The following C1orf56 variants were observed in gnomAD, a reference collection of about 807,000 sequenced individuals.
C1orf56 encodes chromosome 1 open reading frame 56.
A neutral mutation model predicts 20.7 loss-of-function variants in C1orf56; 14 were observed. That is an observed-to-expected ratio of 0.68 (90% CI 0.45 to 1.06). C1orf56 has a LOEUF of 1.06. Among genes scored for constraint, C1orf56 ranks in the 50% least tolerant of loss-of-function variants. The pLI, the probability that C1orf56 is intolerant of heterozygous loss-of-function variation, is 0.00. For synonymous variants in C1orf56, 187 were observed against 194.7 expected, an observed-to-expected ratio of 0.96 and a Z score of 0.33; for missense variants, 424 against 451.4, an observed-to-expected ratio of 0.94 and a Z score of 0.55.
Position 151,048,676 on chromosome 1 carries a change from CAG to C in C1orf56, c.832_833del (p.Ser278HisfsTer47), listed in dbSNP as rs1676113376. On this transcript the variant is annotated frameshift_variant, in exon 1 of 2. Transcript: ENST00000368926. LOFTEE classifies it high-confidence loss of function. This position sits in a 1 kb window ranked among gnomAD's most constrained non-coding sequence, Gnocchi z 4.8. ...CTGTACTGACACCAACTGTGCCTCTCAGAGCACCACCAGTACCAGGACCACCA... is the reference window on the plus strand; with the variant it reads ...CTGTACTGACACCAACTGTGCCTCTCAGCACCACCAGTACCAGGACCACCA... ...SLCTDTNCAS[Q>X]STTSTRTTTT... 6.2e-7 allele frequency: 1 copy of C among 1,612,766 alleles called. No homozygotes were observed. Among genetic ancestry groups the C allele is most frequent in the African/African-American group, 1.3e-5 (1 of 74,930 alleles).
In C1orf56 at chr1:151,048,223, A is replaced by C; in HGVS notation, c.376A>C (p.Ser126Arg). The C allele has an allele frequency of 6.2e-7, 1 of 1,614,236 alleles. No homozygotes were observed. Among genetic ancestry groups the C allele is most frequent in the East Asian group, 2.2e-5 (1 of 44,884 alleles). Residue 126 changes from serine to arginine, a missense_variant, in exon 1 of 2, where the codon AGT (serine) becomes CGT (arginine). Transcript: ENST00000368926. This position sits in a 1 kb window ranked among gnomAD's most constrained non-coding sequence, Gnocchi z 4.8. ...GGATAGCACCAGCAGAGAGCTTCCC[A>C]GTGCGACTCCCAATACAGCGGGGAG... The part of the protein sequence containing the change: ...GKDSTSRELP[S>R]ATPNTAGSSS...
At chr1:151,049,843 T>C (rs1676141304) in intron 1 of C1orf56, 2 of 152,500 alleles carry the variant, frequency 1.3e-5, no homozygotes, top group Non-Finnish European at 2.9e-5. Flanking sequence ...TAAAGTCTTT[T>C]TGATGCACAG....
chr1:151,047,760 G>A lies in C1orf56; in HGVS notation c.-88G>A. 1 of 1,425,700 alleles carries A rather than the reference G, an allele frequency of 7.0e-7. No homozygotes were observed. The allele number at this position is 1,425,700 out of a possible 1,614,324, so 88.3% of individuals were successfully genotyped here. The stretch of plus-strand genomic sequence containing the variant: ...CCGCGGGCCTCGGTTCAAACGACCC[G>A]GTGGGTCTACAGCGGAAGGGAGGGA... On this transcript the variant is annotated 5_prime_UTR_variant, in exon 1 of 2. Transcript: ENST00000368926.
chr1:151,047,950 CG>C lies in C1orf56; in HGVS notation c.106del (p.Val36SerfsTer9). ...GLTQTPTEMQ[R>X]VSLRFGGPMT... ...GACCCAGACTCCGACCGAAATGCAG[CG>C]GGTCAGTTTACGCTTTGGGGGCCCC... On this transcript the variant is annotated frameshift_variant, in exon 1 of 2. Transcript: ENST00000368926. LOFTEE classifies it high-confidence loss of function. The C allele has an allele frequency of 6.2e-7, 1 of 1,613,502 alleles. No individual in the cohort carries two copies. Among genetic ancestry groups the C allele is most frequent in the Non-Finnish European group, 8.5e-7 (1 of 1,179,936 alleles).
At position 151,047,802 on chromosome 1, in the gene C1orf56, G is replaced by C. The variant is rs1006566232; in HGVS notation, c.-46G>C. 8 of 1,483,104 alleles carry C rather than the reference G, an allele frequency of 5.4e-6. No homozygotes were observed. The African/African-American group carries it at 1.1e-4, about 21-fold the overall frequency. 91.9% of individuals were successfully genotyped at this position (1,483,104 alleles called of 1,614,324 possible). On this transcript the variant is annotated 5_prime_UTR_variant, in exon 1 of 2. Coordinates refer to ENST00000368926, the MANE Select transcript of C1orf56 (RefSeq NM_017860.5). ...AGGGAGGGAGCGAAGGTAGGAGGCA[G>C]GGCTTGCCTCACTGGCCACCCTCCC...
rs1676092606 is a variant in C1orf56 at position 151,047,983 on chromosome 1, C to T, written c.136C>T (p.Arg46Cys). ...VSLRFGGPMTRSYRSTARTGL... is the reference protein window; with the variant it reads ...VSLRFGGPMTCSYRSTARTGL... ...TTTACGCTTTGGGGGCCCCATGACC[C>T]GCAGCTACCGGAGCACCGCCCGGAC... The change falls in exon 1 of 2, where the codon CGC (arginine) becomes TGC (cysteine). Residue 46 changes from arginine (R) to cysteine (C), a missense_variant. Transcript: ENST00000368926. 2.5e-6 allele frequency: 4 copies of T among 1,613,944 alleles called. No individual in the cohort carries two copies. Among genetic ancestry groups the T allele is most frequent in the Non-Finnish European group, 3.4e-6 (4 of 1,179,996 alleles).
intron 1 of C1orf56, among the ~76,000 whole-genome samples, chr1:151,049,332 G>A (rs889400231): frequency 1.3e-5 from 2 of 150,280 alleles, no homozygotes; most frequent in Non-Finnish European, 3.0e-5. Context: ...GGCCAGGCTG[G>A]TCTAGAACTC....
rs1047308195 is a variant in C1orf56, at chr1:151,051,397, A to G, written c.*939A>G. On this transcript the variant is annotated 3_prime_UTR_variant, in exon 2 of 2. Transcript: ENST00000368926. Reference sequence around the variant, plus strand: ...GCAGAAAATACATGGAAATTTGAAAAAAAAAAAAAAAAAAAAAAAAAAAGA... The same window carrying G: ...GCAGAAAATACATGGAAATTTGAAAGAAAAAAAAAAAAAAAAAAAAAAAGA... 7.2e-6 allele frequency: 1 copy of G among 138,988 alleles called. No homozygotes were observed. Among genetic ancestry groups the G allele is most frequent in the African/African-American group, 2.6e-5 (1 of 37,954 alleles). The allele number at this position is 138,988 out of a possible 1,614,324, so 8.6% of individuals were successfully genotyped here.
rs1368767899 is a variant in C1orf56 at position 151,048,153 on chromosome 1, G to A, written c.306G>A (p.Glu102=). The change falls in exon 1 of 2, where the codon GAG becomes GAA. Residue 102 remains glutamate (E), a synonymous_variant. Transcript: ENST00000368926. This position sits in a 1 kb window ranked among gnomAD's most constrained non-coding sequence, Gnocchi z 4.8. ...TTAGCCGGTCGTCCGCCATTAACGAGGAGGATGGGTCTTCAGAAGAGGGGG... is the reference window on the plus strand; with the variant it reads ...TTAGCCGGTCGTCCGCCATTAACGAAGAGGATGGGTCTTCAGAAGAGGGGG... ...TGFSRSSAIN[E]EDGSSEEGVV... is the part of the protein sequence containing the mutation. The A allele has an allele frequency of 1.2e-6, 2 of 1,614,184 alleles. No homozygotes were observed. The highest frequency in any genetic ancestry group is 2.2e-5 in the South Asian group (2 of 91,092).
At position 151,047,907 on chromosome 1, in the gene C1orf56, G is replaced by A. The variant is rs1205204385; in HGVS notation, c.60G>A (p.Ala20=). The A allele has an allele frequency of 6.2e-7, 1 of 1,608,934 alleles. No homozygotes were observed. Among genetic ancestry groups the A allele is most frequent in the Non-Finnish European group, 8.5e-7 (1 of 1,177,722 alleles). ...WVLLLNLGPR[A]AGAQGLTQTP... ...TGCTGCTGAATCTGGGTCCCCGGGC[G>A]GCGGGGGCCCAAGGCCTGACCCAGA... Residue 20 remains alanine, a synonymous_variant, in exon 1 of 2, where the codon GCG becomes GCA. Coordinates refer to ENST00000368926, the MANE Select transcript of C1orf56 (RefSeq NM_017860.5).
Position 151,050,369 on chromosome 1 carries a change from G to C in C1orf56, c.1006-69G>C, listed in dbSNP as rs587716234. 5 of 1,498,272 alleles carry C rather than the reference G, an allele frequency of 3.3e-6. No homozygotes were observed. The South Asian group carries it at 6.0e-5, about 18-fold the overall frequency. The allele number at this position is 1,498,272 out of a possible 1,614,324, so 92.8% of individuals were successfully genotyped here. A position where few individuals can be genotyped will look rare whatever the true frequency, so the allele number is the denominator to read the frequency against. On this transcript the variant is annotated intron_variant, in intron 1 of 1. Transcript: ENST00000368926. ...TGGGTTTGTGGGAGGGGGAGATGAA[G>C]CAAGGAAGGGAAAAGAATATAGATG...
rs748753416 is a variant in C1orf56, at chr1:151,048,562, A to G, written c.715A>G (p.Ser239Gly). Reference protein sequence around the residue: ...LSGRLRVGALSQLRTEHKPCT... With the variant: ...LSGRLRVGALGQLRTEHKPCT... ...CGGGCGCCTTCGAGTTGGGGCGCTG[A>G]GCCAGCTCCGCACGGAGCACAAGCC... is the stretch of plus-strand genomic sequence containing the variant. The change falls in exon 1 of 2, where the codon AGC becomes GGC. Residue 239 changes from serine to glycine, a missense_variant. Ser to Gly is a moderately conservative substitution (Grantham distance 56). Coordinates refer to ENST00000368926, the MANE Select transcript of C1orf56 (RefSeq NM_017860.5). This position sits in a 1 kb window ranked among gnomAD's most constrained non-coding sequence, Gnocchi z 4.8. 9.3e-6 allele frequency: 15 copies of G among 1,614,022 alleles called. No individual in the cohort carries two copies. In the South Asian group the frequency reaches 1.5e-4, roughly 17 times the overall value.
At position 151,048,617 on chromosome 1, in the gene C1orf56, G is replaced by A; in HGVS notation, c.770G>A (p.Arg257Gln). The A allele has an allele frequency of 1.2e-6, 2 of 1,614,228 alleles. No individual in the cohort carries two copies. The highest frequency in any genetic ancestry group is 1.1e-5 in the South Asian group (1 of 91,078). Residue 257 changes from arginine (R) to glutamine (Q), a missense_variant, in exon 1 of 2, where the codon CGA becomes CAA. Coordinates refer to ENST00000368926, the MANE Select transcript of C1orf56 (RefSeq NM_017860.5). This position sits in a 1 kb window ranked among gnomAD's most constrained non-coding sequence, Gnocchi z 4.8. ...PCTYQQCPCN[R>Q]LREECPLDTS... ...ACCTATCAACAATGTCCCTGCAACC[G>A]ACTTCGGGAAGAGTGCCCCCTGGAC...
At position 151,048,012 on chromosome 1, in the gene C1orf56, T is replaced by TC; in HGVS notation, c.166dup (p.Leu56ProfsTer14). The TC allele has an allele frequency of 1.2e-6, 2 of 1,613,930 alleles. No individual in the cohort carries two copies. The highest frequency in any genetic ancestry group is 1.7e-6 in the Non-Finnish European group (2 of 1,179,956). On this transcript the variant is annotated frameshift_variant, in exon 1 of 2. Coordinates refer to ENST00000368926, the MANE Select transcript of C1orf56 (RefSeq NM_017860.5). LOFTEE classifies it high-confidence loss of function. The surrounding 1 kb of genome is among the most constrained non-coding windows in gnomAD (Gnocchi z 4.8). ...GCTACCGGAGCACCGCCCGGACTGG[T>TC]CTTCCCCGGAAGACAAGGATAATCC...
In C1orf56 at chr1:151,048,008, C is replaced by T. The variant is rs1455984751; in HGVS notation, c.161C>T (p.Thr54Ile). The T allele has an allele frequency of 6.2e-7, 1 of 1,614,050 alleles. No homozygotes were observed. Among genetic ancestry groups the T allele is most frequent in the Non-Finnish European group, 8.5e-7 (1 of 1,180,004 alleles). The change falls in exon 1 of 2, where the codon ACT becomes ATT. Residue 54 changes from threonine (T) to isoleucine (I), a missense_variant. Thr to Ile is a moderately conservative substitution (Grantham distance 89). Coordinates refer to ENST00000368926, the MANE Select transcript of C1orf56 (RefSeq NM_017860.5). This position sits in a 1 kb window ranked among gnomAD's most constrained non-coding sequence, Gnocchi z 4.8. ...CGCAGCTACCGGAGCACCGCCCGGACTGGTCTTCCCCGGAAGACAAGGATA... is the reference window on the plus strand; with the variant it reads ...CGCAGCTACCGGAGCACCGCCCGGATTGGTCTTCCCCGGAAGACAAGGATA... ...MTRSYRSTARTGLPRKTRIIL... is the reference protein window; with the variant it reads ...MTRSYRSTARIGLPRKTRIIL...
intron 1 of C1orf56, 160 bp downstream of exon 1, chr1:151,049,012 C>A: frequency 1.7e-6 from 2 of 1,162,250 alleles, no homozygotes; most frequent in Non-Finnish European, 1.1e-6. Context: ...CATTGTTAGC[C>A]ATTGATTCCA....
intron 1 of C1orf56, chr1:151,049,437 T>TC (rs1404609025): frequency 6.6e-6 from 1 of 151,700 alleles, no homozygotes; most frequent in Non-Finnish European, 1.5e-5. Context: ...TCTGTTTTTT[T>TC]CACAGACAAG....
In C1orf56 at chr1:151,047,937, G is replaced by A; in HGVS notation, c.90G>A (p.Pro30=). The part of the protein sequence containing the change: ...AAGAQGLTQT[P]TEMQRVSLRF... The stretch of plus-strand genomic sequence containing the variant: ...GGGCCCAAGGCCTGACCCAGACTCC[G>A]ACCGAAATGCAGCGGGTCAGTTTAC... Residue 30 remains proline (P), a synonymous_variant, in exon 1 of 2, where the codon CCG becomes CCA. Transcript: ENST00000368926. 1 of 1,613,166 alleles carries A rather than the reference G, an allele frequency of 6.2e-7. No individual in the cohort carries two copies. The highest frequency in any genetic ancestry group is 1.3e-5 in the African/African-American group (1 of 75,066).
intron 1 of C1orf56, among the ~76,000 whole-genome samples, chr1:151,049,280 A>ATTTT (rs34876001): frequency 2.8e-5 from 4 of 142,316 alleles, no homozygotes; most frequent in Admixed American, 7.1e-5. Flanking sequence ...TGCCCGGCTA[A>ATTTT]TTTTTTTTTT....
Sources: gnomAD v4.1 joint callset for allele counts (sites outside exome capture counted in the v4.1 genomes callset) on GRCh38, gnomAD v4.1.1 for gene constraint, Gnocchi (gnomAD v3.1) non-coding constraint, MANE v1.5 for transcripts, NCBI Gene and HGNC (gene_info 2026-07-23, HGNC 2026-07-21) for gene names.